Variants in SPIDR observed in about 807,000 individuals in gnomAD.
The protein encoded by SPIDR is scaffold protein involved in DNA repair.
SPIDR carries 93 observed loss-of-function variants against 104.6 expected under a neutral mutation model. That is an observed-to-expected ratio of 0.89 (90% CI 0.75 to 1.06). The LOEUF (loss-of-function observed/expected upper bound fraction) is 1.06, where lower values mean the gene tolerates loss of function less well. SPIDR is among the 50% of genes least tolerant of loss of function. The pLI is 0.00. For missense variants in SPIDR, 1,154 were observed against 1,111.2 expected (o/e 1.04, Z -0.55); for synonymous variants, 431 against 416.9 (o/e 1.03, Z -0.41).
intron 8 of SPIDR, among the ~76,000 whole-genome samples, chr8:47,461,327 G>T (rs2073894122): frequency 6.6e-6 from 1 of 152,144 alleles, no homozygotes; most frequent in Non-Finnish European, 1.5e-5. Context: ...ACTTCTTGGA[G>T]GCTTTGTTCT....
At chr8:47,348,047 G>A (rs2052542612) in intron 5 of SPIDR, among the ~76,000 whole-genome samples, 1 of 152,088 alleles carries the variant, frequency 6.6e-6, no homozygotes, top group Non-Finnish European at 1.5e-5. Context: ...TAGCCTCGAT[G>A]GTCTTTACAA....
chr8:47,451,734 G>A (rs1554706147), intron 8 of SPIDR, among the ~76,000 whole-genome samples: 1 of 152,122 alleles, frequency 6.6e-6, no homozygotes, highest in East Asian at 1.9e-4. Flanking sequence ...CGAAGCACCT[G>A]TGGGACACTA....
At chr8:47,704,758 AT>A (rs1563606549) in intron 14 of SPIDR, among the ~76,000 whole-genome samples, 1 of 152,146 alleles carries the variant, frequency 6.6e-6, no homozygotes, top group East Asian at 1.9e-4. Context: ...GAAATGGAGA[AT>A]GATTGGCATG....
intron 1 of SPIDR, among the ~76,000 whole-genome samples, chr8:47,265,884 T>C (rs2033862864): frequency 6.6e-6 from 1 of 152,136 alleles, no homozygotes; most frequent in Non-Finnish European, 1.5e-5. Flanking sequence ...TGTCTTTATA[T>C]GGTGGAAGAG....
intron 7 of SPIDR, among the ~76,000 whole-genome samples, chr8:47,421,794 G>C (rs1483023335): frequency 6.6e-6 from 1 of 152,160 alleles, no homozygotes; most frequent in Non-Finnish European, 1.5e-5. Flanking sequence ...TTTTGGTGTG[G>C]ATTTCCTTTT....
Position 47,713,552 on chromosome 8 carries a change from C to T in SPIDR, c.2252C>T (p.Ser751Phe). 6.2e-7 allele frequency: 1 copy of T among 1,614,166 alleles called. No homozygotes were observed. The highest frequency in any genetic ancestry group is 8.5e-7 in the Non-Finnish European group (1 of 1,180,030). The stretch of plus-strand genomic sequence containing the variant: ...CAGAAGCCCCTTTTGAGTGTGGTCT[C>T]TGGTGCAAGTTCCTGTGAGCTGCCT... ...LLQKPLLSVV[S>F]GASSCELPGP... The change falls in exon 16 of 20, where the codon TCT (serine) becomes TTT (phenylalanine). Residue 751 changes from serine to phenylalanine, a missense_variant. By Grantham distance (155) the Ser-to-Phe change is radical. Transcript: ENST00000297423.
At position 47,323,027 on chromosome 8, in the gene SPIDR, A is replaced by G. The variant is rs559816884; in HGVS notation, c.525+28997A>G. Among the ~76,000 whole-genome samples, 55 of 152,228 alleles carry G rather than the reference A, an allele frequency of 3.6e-4. No individual in the cohort carries two copies. The South Asian group carries it at 9.8e-3, about 27-fold the overall frequency. ...TGTGTGCAGCAGACCAACATGGCAC[A>G]TGTATACATATGTAACTAACCTGCA... On this transcript the variant is annotated intron_variant, in intron 5 of 19. Transcript: ENST00000297423.
intron 5 of SPIDR, among the ~76,000 whole-genome samples, chr8:47,357,434 A>T (rs1292247470): frequency 2.6e-5 from 4 of 152,168 alleles, no homozygotes; most frequent in African/African-American, 9.7e-5. Context: ...GTTACTTGAG[A>T]CATCCACCAG....
At chr8:47,381,679 G>A (rs977746448) in intron 5 of SPIDR, among the ~76,000 whole-genome samples, 3 of 152,218 alleles carry the variant, frequency 2.0e-5, no homozygotes, top group African/African-American at 4.8e-5. Flanking sequence ...AGAAACCAGC[G>A]ATTGGCAGGA....
chr8:47,656,146 T>C lies in SPIDR; in HGVS notation c.1545-17655T>C. On this transcript the variant is annotated intron_variant, in intron 10 of 19. Coordinates refer to ENST00000297423, the MANE Select transcript of SPIDR (RefSeq NM_001080394.4). ...ACTGTATCTTCCTAACCGTACATAT[T>C]AGGCAATGGTTTCTTAGATGTGACA... Among the ~76,000 whole-genome samples, 2 of 152,148 alleles carry C rather than the reference T, an allele frequency of 1.3e-5. 1 individual carries two copies. Among genetic ancestry groups the C allele is most frequent in the East Asian group, 3.8e-4 (2 of 5,198 alleles).
chr8:47,518,836 T>C (rs193059357), intron 8 of SPIDR, among the ~76,000 whole-genome samples: 23 of 152,030 alleles, frequency 1.5e-4, no homozygotes, highest in Admixed American at 3.9e-4. Flanking sequence ...AGGGTTTCAC[T>C]GTGTTAGCCA....
At position 47,436,342 on chromosome 8, in the gene SPIDR, A is replaced by G. The variant is rs1554692017; in HGVS notation, c.878-3981A>G. ...GTTATGGAAAATGTTGCCTGGTAGC[A>G]CTAAAATGGCCTTTTATGTACTAGT... On this transcript the variant is annotated intron_variant, in intron 7 of 19. Transcript: ENST00000297423. Among the ~76,000 whole-genome samples the G allele has an allele frequency of 2.6e-5, 4 of 152,344 alleles. No individual in the cohort carries two copies. The South Asian group carries it at 8.3e-4, about 32-fold the overall frequency.
At chr8:47,716,800 C>T (rs1373899902) in intron 16 of SPIDR, among the ~76,000 whole-genome samples, 3 of 152,152 alleles carry the variant, frequency 2.0e-5, no homozygotes, top group Non-Finnish European at 4.4e-5. Flanking sequence ...CACAGAAGTG[C>T]TGGGAGCAGT....
In SPIDR at chr8:47,735,312, CG is replaced by C. The variant is rs766030116; in HGVS notation, c.2611del (p.Glu871LysfsTer2). 1 of 1,613,912 alleles carries C rather than the reference CG, an allele frequency of 6.2e-7. No homozygotes were observed. Among genetic ancestry groups the C allele is most frequent in the Non-Finnish European group, 8.5e-7 (1 of 1,179,982 alleles). On this transcript the variant is annotated frameshift_variant, in exon 20 of 20. Coordinates refer to ENST00000297423, the MANE Select transcript of SPIDR (RefSeq NM_001080394.4). LOFTEE classifies it low-confidence loss of function (END_TRUNC). ...CGTGCCTTTTATCACTGCAGAGCTA[CG>C]AAGTGAAGAGTGTCCTCGGAAAGGA... ...RFAAGEDGSYEVKSVLGKEVG... is the reference protein window; with the variant it reads ...RFAAGEDGSYXVKSVLGKEVG...
At chr8:47,663,257 C>T (rs1397661221) in intron 10 of SPIDR, among the ~76,000 whole-genome samples, 4 of 152,216 alleles carry the variant, frequency 2.6e-5, no homozygotes, top group African/African-American at 9.6e-5. Context: ...GACCATCCCA[C>T]CACCCCAGTG....
At chr8:47,573,184 T>G (rs1403298548) in intron 8 of SPIDR, among the ~76,000 whole-genome samples, 1 of 152,138 alleles carries the variant, frequency 6.6e-6, no homozygotes, top group Non-Finnish European at 1.5e-5. Flanking sequence ...GTCCACTTGG[T>G]GTTTGTCCTG....
intron 5 of SPIDR, chr8:47,294,320 A>G (rs2040455706): frequency 6.9e-6 from 2 of 291,772 alleles, no homozygotes; most frequent in South Asian, 1.5e-4. Context: ...AAGTGCTGGA[A>G]TTGCACATGT....
intron 8 of SPIDR, among the ~76,000 whole-genome samples, chr8:47,538,449 C>T (rs2087377106): frequency 1.3e-5 from 2 of 151,918 alleles, no homozygotes; most frequent in Admixed American, 1.3e-4. Flanking sequence ...GAGGCTGAGG[C>T]GAGAGAATTG....
chr8:47,552,466 G>C (rs1348100576), intron 8 of SPIDR, among the ~76,000 whole-genome samples: 3 of 152,098 alleles, frequency 2.0e-5, no homozygotes. Flanking sequence ...TGTATTGGGT[G>C]CATATATATT....
Sources: allele counts gnomAD v4.1 joint callset (sites outside exome capture counted in the v4.1 genomes callset), GRCh38; gene constraint gnomAD v4.1.1; transcripts MANE v1.5; gene names NCBI Gene and HGNC (gene_info 2026-07-23, HGNC 2026-07-21).